The following CLPTM1 variants were observed in gnomAD, a reference collection of about 807,000 sequenced individuals.
CLPTM1 encodes putative lipid scramblase CLPTM1.
A neutral mutation model predicts 77.3 loss-of-function variants in CLPTM1; 21 were observed. The observed-to-expected ratio is 0.27, with a 90% CI of 0.19 to 0.39. The LOEUF (loss-of-function observed/expected upper bound fraction) is 0.39, where lower values mean the gene tolerates loss of function less well. CLPTM1 is among the 10% of genes least tolerant of loss of function. CLPTM1 has a pLI of 1.00. For synonymous variants in CLPTM1, 373 were observed against 381.0 expected (o/e 0.98, Z 0.24); for missense variants, 642 against 921.2 (o/e 0.70, Z 3.92).
At chr19:44,958,716 T>A (rs1970500355) in intron 1 of CLPTM1, among the ~76,000 whole-genome samples, 1 of 152,204 alleles carries the variant, frequency 6.6e-6, no homozygotes, top group Admixed American at 6.5e-5. Flanking sequence ...GTTCTTAGGA[T>A]AGAGTCCATT....
At chr19:44,969,256 G>A (rs1443263978) in intron 2 of CLPTM1, among the ~76,000 whole-genome samples, 3 of 152,068 alleles carry the variant, frequency 2.0e-5, no homozygotes, top group African/African-American at 4.8e-5. Flanking sequence ...ATGAGAGTAG[G>A]CACTGTTATT....
chr19:44,955,491 A>G, intron 1 of CLPTM1, 24 bp downstream of exon 1: 1 of 1,280,660 alleles, frequency 7.8e-7, no homozygotes, highest in Non-Finnish European at 9.9e-7. Flanking sequence ...GAGGGGACTG[A>G]GGGGGTTCTT....
At chr19:44,965,972 G>A (rs1244030291) in intron 2 of CLPTM1, among the ~76,000 whole-genome samples, 1 of 152,248 alleles carries the variant, frequency 6.6e-6, no homozygotes, top group Admixed American at 6.5e-5. Flanking sequence ...TGAGGAAGAA[G>A]AGGAGAGTGG....
At chr19:44,971,286 C>T (rs1416837076) in intron 2 of CLPTM1, among the ~76,000 whole-genome samples, 2 of 151,808 alleles carry the variant, frequency 1.3e-5, no homozygotes, top group South Asian at 2.1e-4. Flanking sequence ...TACGAGAATA[C>T]GTGAGCAGCA....
Position 44,986,588 on chromosome 19 carries a change from GC to G in CLPTM1, c.793+16del. 1 of 1,612,548 alleles carries G rather than the reference GC, an allele frequency of 6.2e-7. No individual in the cohort carries two copies. Among genetic ancestry groups the G allele is most frequent in the Non-Finnish European group, 8.5e-7 (1 of 1,179,494 alleles). On this transcript the variant is annotated intron_variant, in intron 7 of 13. Transcript: ENST00000337392. Reference sequence around the variant, plus strand: ...CCCCTGGATCAATGTAAGCTCCCCAGCCCTGCCAGCTGCCTGCAGAGCCTTT... The same window carrying G: ...CCCCTGGATCAATGTAAGCTCCCCAGCCTGCCAGCTGCCTGCAGAGCCTTT...
At chr19:44,978,429 A>G (rs1970840419) in intron 5 of CLPTM1, among the ~76,000 whole-genome samples, 1 of 151,790 alleles carries the variant, frequency 6.6e-6, no homozygotes, top group Non-Finnish European at 1.5e-5. Context: ...AAAAATAGAT[A>G]AAATTCAAAG....
chr19:44,979,036 A>G (rs986606164), intron 5 of CLPTM1, among the ~76,000 whole-genome samples: 4 of 146,122 alleles, frequency 2.7e-5, no homozygotes, highest in Non-Finnish European at 4.5e-5. Context: ...GCTGGAGTGC[A>G]GTGGACTATC....
chr19:44,976,810 C>G (rs1254356657), intron 4 of CLPTM1, among the ~76,000 whole-genome samples: 1 of 152,178 alleles, frequency 6.6e-6, no homozygotes, highest in African/African-American at 2.4e-5. Context: ...CTATGTGACC[C>G]CTTGGCATGA....
intron 6 of CLPTM1, among the ~76,000 whole-genome samples, 159 bp from the exon 7 acceptor site, chr19:44,986,296 C>CT (rs1317951273): frequency 5.3e-5 from 8 of 151,704 alleles, no homozygotes; most frequent in Non-Finnish European, 1.2e-4. Context: ...GCCCAGAATT[C>CT]GAGACCAGCT....
intron 2 of CLPTM1, among the ~76,000 whole-genome samples, chr19:44,962,490 T>C (rs1377748049): frequency 6.6e-6 from 1 of 152,172 alleles, no homozygotes. Flanking sequence ...GCTTCTCTCC[T>C]GGGCTTGCAG....
chr19:44,977,262 C>A, intron 4 of CLPTM1, 81 bp from the exon 5 acceptor site: 2 of 1,009,684 alleles, frequency 2.0e-6, no homozygotes, highest in Non-Finnish European at 1.5e-6. Context: ...GAAACTGCTG[C>A]AGATGGGTGC....
chr19:44,992,552 G>C lies in CLPTM1; in HGVS notation c.1724-59G>C. Reference sequence around the variant, plus strand: ...CCTTGCATCACGCCCTCTCCACCCAGGCCCACCTGGCTGTGGACGGGCCAG... The same window carrying C: ...CCTTGCATCACGCCCTCTCCACCCACGCCCACCTGGCTGTGGACGGGCCAG... On this transcript the variant is annotated intron_variant, in intron 13 of 13. Coordinates refer to ENST00000337392, the MANE Select transcript of CLPTM1 (RefSeq NM_001294.4). This position sits in a 1 kb window ranked among gnomAD's most constrained non-coding sequence, Gnocchi z 7.7. The C allele has an allele frequency of 6.2e-7, 1 of 1,605,062 alleles. No homozygotes were observed.
intron 2 of CLPTM1, among the ~76,000 whole-genome samples, chr19:44,962,887 T>C (rs8100236): frequency 0.52 from 79,068 of 151,450 alleles, 21,255 homozygotes; most frequent in African/African-American, 0.62. Flanking sequence ...AACATAGTGA[T>C]ACCCCATCTC....
chr19:44,954,598 G>A (rs140480209), upstream of CLPTM1: 463 of 1,029,608 alleles, frequency 4.5e-4, 2 homozygotes, highest in African/African-American at 7.2e-3. Context: ...TCCAAACTAA[G>A]GGTCTCTCAG....
intron 5 of CLPTM1, among the ~76,000 whole-genome samples, chr19:44,977,934 A>G (rs542166082): frequency 2.6e-5 from 4 of 151,964 alleles, no homozygotes; most frequent in Non-Finnish European, 5.9e-5. Flanking sequence ...GGGAAACATG[A>G]CAAAACCCTG....
At chr19:44,971,123 G>A (rs913592998) in intron 2 of CLPTM1, among the ~76,000 whole-genome samples, 6 of 151,946 alleles carry the variant, frequency 3.9e-5, no homozygotes, top group Non-Finnish European at 8.8e-5. Context: ...GAGCCACCGC[G>A]CCCGGCCGAT....
At chr19:44,971,791 TC>T (rs562259634) in intron 2 of CLPTM1, among the ~76,000 whole-genome samples, 114 of 151,088 alleles carry the variant, frequency 7.5e-4, no homozygotes, top group Admixed American at 1.3e-3. Context: ...ACTTTTGAGC[TC>T]AAGCAATCCG....
At chr19:44,978,303 G>T (rs1217729578) in intron 5 of CLPTM1, among the ~76,000 whole-genome samples, 3 of 151,876 alleles carry the variant, frequency 2.0e-5, no homozygotes, top group Admixed American at 1.3e-4. Context: ...TACTTGGGAG[G>T]CTGAGGCAGG....
intron 2 of CLPTM1, among the ~76,000 whole-genome samples, chr19:44,970,915 C>CAA: frequency 6.9e-6 from 1 of 145,256 alleles, no homozygotes; most frequent in Non-Finnish European, 1.5e-5. Flanking sequence ...ACTGCAACCT[C>CAA]CTTCTCCTGG....
Sources: allele counts gnomAD v4.1 joint callset (sites outside exome capture counted in the v4.1 genomes callset), GRCh38; gene constraint gnomAD v4.1.1; non-coding constraint Gnocchi (gnomAD v3.1); transcripts MANE v1.5; gene names NCBI Gene and HGNC (gene_info 2026-07-23, HGNC 2026-07-21).